The following CNTLN variants were observed in gnomAD, a reference collection of about 807,000 sequenced individuals.
CNTLN encodes centlein.
A neutral mutation model predicts 180.0 loss-of-function variants in CNTLN; 212 were observed. That is an observed-to-expected ratio of 1.18 (90% CI 1.05 to 1.32). The LOEUF is 1.32. Ranked by LOEUF, CNTLN falls within the 40% of genes most tolerant of loss-of-function variation. CNTLN has a pLI of 0.00. For synonymous variants in CNTLN, 722 were observed against 563.1 expected (o/e 1.28, Z -3.99); for missense variants, 2,095 against 1,610.9 (o/e 1.30, Z -5.14).
At chr9:17,452,892 G>C (rs571066447) in intron 18 of CNTLN, among the ~76,000 whole-genome samples, 1 of 152,250 alleles carries the variant, frequency 6.6e-6, no homozygotes, top group South Asian at 2.1e-4. Context: ...GCAAACAAAA[G>C]CTTCTGGTCA....
rs372318477 is a variant in CNTLN at position 17,209,519 on chromosome 9, G to A, written c.450-16684G>A. 1.8e-4 allele frequency among the ~76,000 whole-genome samples: 28 copies of A among 152,282 alleles called. No homozygotes were observed. The East Asian group carries it at 2.3e-3, about 13-fold the overall frequency. On this transcript the variant is annotated intron_variant, in intron 2 of 25. Coordinates refer to ENST00000380647, the MANE Select transcript of CNTLN (RefSeq NM_017738.4). ...TTCTGTCTAATGCTGGAAGTGGGATGTTGAAGCCTCCAGCTATTCTTGTAC... is the reference window on the plus strand; with the variant it reads ...TTCTGTCTAATGCTGGAAGTGGGATATTGAAGCCTCCAGCTATTCTTGTAC...
At chr9:17,262,360 TGTG>T (rs1384906160) in intron 5 of CNTLN, among the ~76,000 whole-genome samples, 4 of 151,550 alleles carry the variant, frequency 2.6e-5, no homozygotes, top group Admixed American at 1.3e-4. Context: ...ATAAAGAAAA[TGTG>T]GTAGATATAC....
chr9:17,438,076 C>T (rs1259021211), intron 18 of CNTLN, among the ~76,000 whole-genome samples: 1 of 152,134 alleles, frequency 6.6e-6, no homozygotes, highest in African/African-American at 2.4e-5. Flanking sequence ...ACCCTGACCA[C>T]TTATTATTCT....
chr9:17,244,695 T>G (rs1825700977), intron 5 of CNTLN, among the ~76,000 whole-genome samples: 1 of 152,180 alleles, frequency 6.6e-6, no homozygotes, highest in Non-Finnish European at 1.5e-5. Context: ...GCTTCCTGGT[T>G]GTTTTGTGGT....
intron 5 of CNTLN, among the ~76,000 whole-genome samples, chr9:17,261,301 A>G (rs184243513): frequency 6.6e-6 from 1 of 151,548 alleles, no homozygotes; most frequent in Non-Finnish European, 1.5e-5. Context: ...CTTCCAATCC[A>G]TGAGCATGGC....
chr9:17,245,713 G>A (rs1356998800), intron 5 of CNTLN, among the ~76,000 whole-genome samples: 5 of 151,814 alleles, frequency 3.3e-5, no homozygotes, highest in African/African-American at 7.3e-5. Flanking sequence ...AATCTTGTGT[G>A]TGTGCTTCAT....
intron 25 of CNTLN, among the ~76,000 whole-genome samples, chr9:17,501,977 T>A (rs937840144): frequency 6.6e-6 from 1 of 152,226 alleles, no homozygotes; most frequent in Non-Finnish European, 1.5e-5. Context: ...AAAAATGTAG[T>A]CTACATTTCA....
intron 2 of CNTLN, among the ~76,000 whole-genome samples, chr9:17,196,915 C>A (rs1450248305): frequency 6.6e-6 from 1 of 152,002 alleles, no homozygotes; most frequent in Non-Finnish European, 1.5e-5. Flanking sequence ...ATTGTTTAGT[C>A]ACCCTGTTGT....
At chr9:17,233,710 C>T (rs933846356) in intron 3 of CNTLN, among the ~76,000 whole-genome samples, 1 of 146,332 alleles carries the variant, frequency 6.8e-6, no homozygotes, top group Non-Finnish European at 1.5e-5. Flanking sequence ...TAATACTGTA[C>T]ATCAAGAAAT....
At chr9:17,260,734 G>C (rs1004406942) in intron 5 of CNTLN, among the ~76,000 whole-genome samples, 1 of 151,358 alleles carries the variant, frequency 6.6e-6, no homozygotes, top group Non-Finnish European at 1.5e-5. Context: ...AGTTGCTTTT[G>C]ATGTCTTCAT....
At chr9:17,335,764 C>G (rs1820973660) in intron 10 of CNTLN, among the ~76,000 whole-genome samples, 1 of 151,630 alleles carries the variant, frequency 6.6e-6, no homozygotes, top group Non-Finnish European at 1.5e-5. Flanking sequence ...ATGGCAAAAC[C>G]CTGTGTCTAC....
chr9:17,372,598 A>G (rs889975651), intron 13 of CNTLN, among the ~76,000 whole-genome samples: 1 of 152,164 alleles, frequency 6.6e-6, no homozygotes, highest in Non-Finnish European at 1.5e-5. Context: ...AAGGTAGAAG[A>G]GGAGGGAATA....
intron 6 of CNTLN, 28 bp downstream of exon 6, chr9:17,273,894 A>G (rs774835340): frequency 4.1e-6 from 6 of 1,460,964 alleles, no homozygotes; most frequent in South Asian, 1.3e-5. Flanking sequence ...TTAATTTAAC[A>G]TCATAGAAAT....
chr9:17,162,259 C>T (rs1487480637), intron 2 of CNTLN, among the ~76,000 whole-genome samples: 3 of 152,120 alleles, frequency 2.0e-5, no homozygotes, highest in African/African-American at 7.2e-5. Context: ...GGACTACAGA[C>T]ACCCACCACC....
At chr9:17,378,771 A>C (rs2133566846) in intron 13 of CNTLN, among the ~76,000 whole-genome samples, 1 of 152,220 alleles carries the variant, frequency 6.6e-6, no homozygotes, top group Admixed American at 6.5e-5. Context: ...CAGGATTTCA[A>C]ATTGTTGTCT....
chr9:17,231,159 T>A (rs559730029), intron 3 of CNTLN, among the ~76,000 whole-genome samples: 132 of 152,248 alleles, frequency 8.7e-4, no homozygotes, highest in Non-Finnish European at 1.2e-3. Context: ...AAGTTCCTTA[T>A]ATGCTGGACT....
rs530986380 is a variant in CNTLN at position 17,295,337 on chromosome 9, G to T, written c.984-2853G>T. Among the ~76,000 whole-genome samples the T allele has an allele frequency of 5.3e-5, 8 of 152,342 alleles. No homozygotes were observed. The South Asian group carries it at 1.7e-3, about 32-fold the overall frequency. On this transcript the variant is annotated intron_variant, in intron 6 of 25. Transcript: ENST00000380647. ...CCGCCAGAGTGGGCGCCGAGGCCAAGGTGGCGCGGAGAGCGAGCCACGACT... is the reference window on the plus strand; with the variant it reads ...CCGCCAGAGTGGGCGCCGAGGCCAATGTGGCGCGGAGAGCGAGCCACGACT...
intron 18 of CNTLN, among the ~76,000 whole-genome samples, chr9:17,427,337 T>G (rs986234892): frequency 1.3e-5 from 2 of 151,298 alleles, no homozygotes; most frequent in Non-Finnish European, 2.9e-5. Context: ...ATACTTGATA[T>G]CATATATTTT....
chr9:17,466,690 T>C lies in CNTLN; in HGVS notation c.3670-16T>C. 1.3e-6 allele frequency: 2 copies of C among 1,598,490 alleles called. No homozygotes were observed. Among genetic ancestry groups the C allele is most frequent in the Non-Finnish European group, 1.7e-6 (2 of 1,171,666 alleles). On this transcript the variant is annotated splice_polypyrimidine_tract_variant and intron_variant, in intron 22 of 25. Coordinates refer to ENST00000380647, the MANE Select transcript of CNTLN (RefSeq NM_017738.4). ...TATAAAATATCTTTTATTTTATGAC[T>C]GCTGATCTTTTGCAGGATCTCAAGC...
Sources: gnomAD v4.1 joint callset for allele counts (sites outside exome capture counted in the v4.1 genomes callset) on GRCh38, gnomAD v4.1.1 for gene constraint, MANE v1.5 for transcripts, NCBI Gene and HGNC (gene_info 2026-07-23, HGNC 2026-07-21) for gene names.